The following KLRB1 variants were observed in gnomAD, a reference collection of about 807,000 sequenced individuals.
KLRB1 encodes the protein killer cell lectin-like receptor subfamily B member 1.
A neutral mutation model predicts 33.5 loss-of-function variants in KLRB1; 27 were observed. The observed-to-expected ratio is 0.81, with a 90% CI of 0.59 to 1.11. The LOEUF (loss-of-function observed/expected upper bound fraction) is 1.11, where lower values mean the gene tolerates loss of function less well. Ranked by LOEUF, KLRB1 falls within the 50% of genes most tolerant of loss-of-function variation. KLRB1 has a pLI of 0.00. For synonymous variants in KLRB1, 64 were observed against 88.9 expected, an observed-to-expected ratio of 0.72 and a Z score of 1.58; for missense variants, 241 against 254.1, an observed-to-expected ratio of 0.95 and a Z score of 0.35.
intron 1 of KLRB1, among the ~76,000 whole-genome samples, chr12:9,604,109 T>A (rs771898024): frequency 6.6e-6 from 1 of 151,666 alleles, no homozygotes; most frequent in African/African-American, 2.4e-5. Context: ...TTGAGTGGAG[T>A]GTACTGTGTC....
chr12:9,603,104 G>C (rs1288504145), intron 1 of KLRB1, among the ~76,000 whole-genome samples: 1 of 152,196 alleles, frequency 6.6e-6, no homozygotes, highest in Non-Finnish European at 1.5e-5. Context: ...AGGACATGCT[G>C]TATCAGTGGA....
At chr12:9,596,727 T>C (rs1864495508) in intron 5 of KLRB1, among the ~76,000 whole-genome samples, 1 of 152,200 alleles carries the variant, frequency 6.6e-6, no homozygotes, top group Non-Finnish European at 1.5e-5. Context: ...ATTTTATTTT[T>C]TACTGTGAAC....
intron 5 of KLRB1, among the ~76,000 whole-genome samples, chr12:9,597,643 CTTTTCT>C: frequency 6.6e-6 from 1 of 152,162 alleles, no homozygotes; most frequent in East Asian, 1.9e-4. Flanking sequence ...ACTATTTTTT[CTTTTCT>C]TTTAATGCCA....
rs1330458951 is a variant in KLRB1, at chr12:9,607,258, C to CTTTCTTTCTTTT, written c.85+496_85+497insAAAAGAAAGAAA. Among the ~76,000 whole-genome samples the CTTTCTTTCTTTT allele has an allele frequency of 6.9e-4, 94 of 135,558 alleles. 1 individual carries two copies. Among genetic ancestry groups the CTTTCTTTCTTTT allele is most frequent in the African/African-American group, 2.1e-3 (83 of 39,094 alleles). The allele number at this position is 135,558 out of a possible 152,430, so 88.9% of individuals were successfully genotyped here. On this transcript the variant is annotated intron_variant, in intron 1 of 5. Coordinates refer to ENST00000229402, the MANE Select transcript of KLRB1 (RefSeq NM_002258.3). ...TTCCTTCCTTCCTCCTTCTCTTTTT[C>CTTTCTTTCTTTT]TTTCTTTCCTTTCCTTTCTCTCTCT...
chr12:9,600,636 C>G (rs1258630117), intron 2 of KLRB1, among the ~76,000 whole-genome samples: 1 of 152,120 alleles, frequency 6.6e-6, no homozygotes, highest in Non-Finnish European at 1.5e-5. Flanking sequence ...TGTGTCAACT[C>G]AAGAGTTGAA....
rs1555097765 is a variant in KLRB1, at chr12:9,607,339, T to TCTTTCTTCCTTC, written c.85+415_85+416insGAAGGAAGAAAG. Among the ~76,000 whole-genome samples, 274 of 61,134 alleles carry TCTTTCTTCCTTC rather than the reference T, an allele frequency of 4.5e-3. 5 individuals carry two copies. The highest frequency in any genetic ancestry group is 8.2e-3 in the Admixed American group (41 of 5,026). 40.1% of individuals were successfully genotyped at this position (61,134 alleles called of 152,430 possible). ...TTCTTTTCTTTCTCTTTCTTTCCTTTCTTTCTTTCTTTCTTCCTTTCTTTC... is the reference window on the plus strand; with the variant it reads ...TTCTTTTCTTTCTCTTTCTTTCCTTTCTTTCTTCCTTCCTTTCTTTCTTTCTTCCTTTCTTTC... On this transcript the variant is annotated intron_variant, in intron 1 of 5. Coordinates refer to ENST00000229402, the MANE Select transcript of KLRB1 (RefSeq NM_002258.3).
chr12:9,607,332 T>TCTTTCTTCCTTTCTTTCTTCCTTCC, intron 1 of KLRB1, among the ~76,000 whole-genome samples: 1 of 58,688 alleles, frequency 1.7e-5, no homozygotes, highest in South Asian at 8.9e-4. Context: ...TTTCTCTTTC[T>TCTTTCTTCCTTTCTTTCTTCCTTCC]TTCCTTTCTT....
chr12:9,597,197 G>A (rs1371149531), intron 5 of KLRB1, among the ~76,000 whole-genome samples: 4 of 151,800 alleles, frequency 2.6e-5, no homozygotes, highest in African/African-American at 4.8e-5. Flanking sequence ...TTTGAGTGAC[G>A]GAAAATACAT....
At chr12:9,607,317 T>C (rs1215934055) in intron 1 of KLRB1, among the ~76,000 whole-genome samples, 3 of 120,956 alleles carry the variant, frequency 2.5e-5, no homozygotes, top group African/African-American at 9.2e-5. Context: ...TTCTTTCTTC[T>C]TTTCTTTCTC....
In KLRB1 at chr12:9,598,147, G is replaced by C. The variant is rs951434620; in HGVS notation, c.429C>G (p.Asn143Lys). The C allele has an allele frequency of 2.5e-6, 4 of 1,601,406 alleles. No individual in the cohort carries two copies. The highest frequency in any genetic ancestry group is 2.6e-6 in the Non-Finnish European group (3 of 1,170,554). Residue 143 changes from asparagine (N) to lysine (K), a missense_variant, in exon 5 of 6, where the codon AAC becomes AAG. Physicochemically the swap from Asn to Lys is moderately conservative, Grantham distance 94. Transcript: ENST00000229402. ...RDKDELIHTQ[N>K]LIRDKAILFW... ...ACAGAATTGCTTTGTCACGTATCAGGTTCTGTGTGTGTATCTATAAATGGA... is the reference window on the plus strand; with the variant it reads ...ACAGAATTGCTTTGTCACGTATCAGCTTCTGTGTGTGTATCTATAAATGGA...
chr12:9,601,433 G>C (rs929678952), intron 2 of KLRB1, 68 bp downstream of exon 2: 2 of 1,209,346 alleles, frequency 1.7e-6, no homozygotes, highest in African/African-American at 3.0e-5. Context: ...CACCCCTACA[G>C]AGATGCTCTA....
chr12:9,603,694 C>G (rs1864569726), intron 1 of KLRB1, among the ~76,000 whole-genome samples: 1 of 151,900 alleles, frequency 6.6e-6, no homozygotes. Context: ...CCTCAGCCTC[C>G]CAAAGTGCTG....
chr12:9,601,749 A>G, intron 1 of KLRB1, 150 bp from the exon 2 acceptor site: 1 of 601,422 alleles, frequency 1.7e-6, no homozygotes, highest in South Asian at 1.9e-5. Context: ...GCAGGGAACA[A>G]CCTCTATCCA....
At chr12:9,602,475 A>G (rs1864556623) in intron 1 of KLRB1, among the ~76,000 whole-genome samples, 2 of 152,206 alleles carry the variant, frequency 1.3e-5, no homozygotes, top group Non-Finnish European at 2.9e-5. Flanking sequence ...AGCTTCCAAA[A>G]TTAAATCAAC....
intron 2 of KLRB1, among the ~76,000 whole-genome samples, chr12:9,601,003 C>T (rs1417417657): frequency 1.4e-5 from 2 of 143,634 alleles, no homozygotes; most frequent in Admixed American, 7.2e-5. Flanking sequence ...CGGTATAAAA[C>T]CCGATTGTAT....
At chr12:9,595,523 T>C in intron 5 of KLRB1, 102 bp from the exon 6 acceptor site, 1 of 1,035,714 alleles carries the variant, frequency 9.7e-7, no homozygotes, top group Non-Finnish European at 1.5e-6. Flanking sequence ...AGTAGAATGA[T>C]AAACTATTAA....
At position 9,595,440 on chromosome 12, in the gene KLRB1, G is replaced by A. The variant is rs1016301735; in HGVS notation, c.531-19C>T. 3.7e-6 allele frequency: 6 copies of A among 1,608,502 alleles called. No homozygotes were observed. The highest frequency in any genetic ancestry group is 2.7e-5 in the African/African-American group (2 of 74,788). ...TTCTAAGCTGTGGAGCAAAAGAAAAGTCTGTCTTAGCATTTATGATTTTCT... is the reference window on the plus strand; with the variant it reads ...TTCTAAGCTGTGGAGCAAAAGAAAAATCTGTCTTAGCATTTATGATTTTCT... On this transcript the variant is annotated intron_variant, in intron 5 of 5. Transcript: ENST00000229402.
chr12:9,607,527 G>A (rs372013043), intron 1 of KLRB1: 158 of 447,798 alleles, frequency 3.5e-4, no homozygotes, highest in African/African-American at 2.9e-3. Context: ...AGTAAGACAA[G>A]TGATGTTTGC....
At chr12:9,597,994 A>G in intron 5 of KLRB1, 52 bp downstream of exon 5, 1 of 814,076 alleles carries the variant, frequency 1.2e-6, no homozygotes, top group South Asian at 1.6e-5. Flanking sequence ...ACTACCTTGC[A>G]GTGTAAACCT....
Sources: gnomAD v4.1 joint callset for allele counts (sites outside exome capture counted in the v4.1 genomes callset) on GRCh38, gnomAD v4.1.1 for gene constraint, MANE v1.5 for transcripts, NCBI Gene and HGNC (gene_info 2026-07-23, HGNC 2026-07-21) for gene names.